The following RP1 variants were observed in gnomAD, a reference collection of about 807,000 sequenced individuals.
RP1 encodes the protein oxygen-regulated protein 1.
RP1 carries 16 observed loss-of-function variants against 14.8 expected under a neutral mutation model. That is an observed-to-expected ratio of 1.08 (90% confidence interval 0.73 to 1.65). The LOEUF (loss-of-function observed/expected upper bound fraction) is 1.65. Ranked by LOEUF, RP1 falls within the 40% of genes most tolerant of loss-of-function variation. RP1 has a pLI of 0.00. For missense variants in RP1, 2,631 were observed against 2,535.0 expected, an observed-to-expected ratio of 1.04 and a Z score of -0.81; for synonymous variants, 876 against 883.6, an observed-to-expected ratio of 0.99 and a Z score of 0.15.
intron 25 of RP1, among the ~76,000 whole-genome samples, chr8:54,844,974 G>A (rs1160604534): frequency 6.6e-6 from 1 of 152,056 alleles, no homozygotes; most frequent in Non-Finnish European, 1.5e-5. Context: ...ACCATACTAG[G>A]TCCCCACCTC....
chr8:54,666,503 G>A (rs1218718125), intron 7 of RP1, among the ~76,000 whole-genome samples: 1 of 152,018 alleles, frequency 6.6e-6, no homozygotes. Context: ...TGAAAGTTGG[G>A]ATGCTCAGTG....
chr8:54,611,896 C>CTCCCTTCCTTT (rs1805605540), upstream of RP1, among the ~76,000 whole-genome samples: 2 of 126,678 alleles, frequency 1.6e-5, no homozygotes, highest in Admixed American at 8.9e-5. Context: ...TCCCTTCCTT[C>CTCCCTTCCTTT]CTTCCTTCCT....
At chr8:54,688,084 A>G (rs891990296) in intron 12 of RP1, among the ~76,000 whole-genome samples, 1 of 151,960 alleles carries the variant, frequency 6.6e-6, no homozygotes, top group East Asian at 1.9e-4. Flanking sequence ...TTTTTTTCAC[A>G]TGTTTGTTGG....
intron 7 of RP1, among the ~76,000 whole-genome samples, chr8:54,668,122 T>A (rs192696142): frequency 1.3e-3 from 198 of 152,186 alleles, no homozygotes; most frequent in African/African-American, 4.6e-3. Context: ...CAGCAGCACA[T>A]CAAAAAGCTT....
chr8:54,830,434 C>T (rs1287318227), intron 24 of RP1, among the ~76,000 whole-genome samples: 1 of 152,012 alleles, frequency 6.6e-6, no homozygotes, highest in African/African-American at 2.4e-5. Context: ...CTACTCCCTC[C>T]CCCCACTGAC....
intron 22 of RP1, among the ~76,000 whole-genome samples, chr8:54,760,113 G>C (rs987242447): frequency 6.6e-6 from 1 of 152,190 alleles, no homozygotes; most frequent in Admixed American, 6.5e-5. Context: ...AAACACCCAA[G>C]ATGATTGGAG....
At chr8:54,800,554 T>G (rs1810681519) in intron 24 of RP1, among the ~76,000 whole-genome samples, 1 of 152,190 alleles carries the variant, frequency 6.6e-6, no homozygotes, top group Non-Finnish European at 1.5e-5. Context: ...CTATTATTTT[T>G]CTATTAACAA....
intron 24 of RP1, among the ~76,000 whole-genome samples, chr8:54,829,544 CT>C (rs2065789043): frequency 2.0e-5 from 3 of 152,044 alleles, no homozygotes; most frequent in Non-Finnish European, 4.4e-5. Context: ...GAACATCTGA[CT>C]TTTGATATAT....
At chr8:54,761,233 C>CTTTTTTTTTTTTTTTTTTTTTTTTTTTTT (rs71554177) in intron 22 of RP1, among the ~76,000 whole-genome samples, 1 of 109,172 alleles carries the variant, frequency 9.2e-6, no homozygotes, top group Non-Finnish European at 1.8e-5. Flanking sequence ...CGCTACCTTA[C>CTTTTTTTTTTTTTTTTTTTTTTTTTTTTT]TTTTTTTTTT....
chr8:54,837,299 G>A (rs1247483950), intron 24 of RP1, among the ~76,000 whole-genome samples: 1 of 152,182 alleles, frequency 6.6e-6, no homozygotes, highest in East Asian at 1.9e-4. Flanking sequence ...ATATAGAACA[G>A]CATTTCATGG....
chr8:54,778,506 G>A (rs1328498662), intron 23 of RP1, among the ~76,000 whole-genome samples: 1 of 151,808 alleles, frequency 6.6e-6, no homozygotes, highest in Non-Finnish European at 1.5e-5. Context: ...TGTATTTTTA[G>A]TAGAGACGGA....
intron 1 of RP1, among the ~76,000 whole-genome samples, chr8:54,591,547 G>A (rs535737466): frequency 3.6e-4 from 55 of 152,134 alleles, no homozygotes; most frequent in Admixed American, 1.7e-3. Flanking sequence ...TAACCTACAT[G>A]ATCTTTTTCA....
intron 19 of RP1, among the ~76,000 whole-genome samples, chr8:54,751,087 C>T (rs533281511): frequency 2.7e-4 from 41 of 152,286 alleles, no homozygotes; most frequent in African/African-American, 7.7e-4. Flanking sequence ...TGAAGGTCTG[C>T]GGCTCCATTC....
At chr8:54,673,576 CA>C (rs879473473) in intron 7 of RP1, among the ~76,000 whole-genome samples, 1 of 152,024 alleles carries the variant, frequency 6.6e-6, no homozygotes, top group Non-Finnish European at 1.5e-5. Flanking sequence ...CTCCTCTCTA[CA>C]AAAAACACAA....
intron 19 of RP1, among the ~76,000 whole-genome samples, chr8:54,741,387 T>C (rs1809081199): frequency 6.6e-6 from 1 of 152,006 alleles, no homozygotes; most frequent in Non-Finnish European, 1.5e-5. Flanking sequence ...CATGCTCTAT[T>C]TTTAGTTTAC....
rs545902108 is a variant in RP1 at position 54,796,309 on chromosome 8, C to A, written c.3615+12599C>A. On this transcript the variant is annotated intron_variant, in intron 24 of 28. Coordinates refer to the RP1 transcript ENST00000637698. Reference sequence around the variant, plus strand: ...AGCATATAAAAGGGCATGTAGTCAACACTCAAAATTCTTAAAAGTATTTGT... The same window carrying A: ...AGCATATAAAAGGGCATGTAGTCAAAACTCAAAATTCTTAAAAGTATTTGT... 2.6e-5 allele frequency among the ~76,000 whole-genome samples: 4 copies of A among 152,266 alleles called. No homozygotes were observed. The South Asian group carries it at 8.3e-4, about 32-fold the overall frequency.
chr8:54,654,259 A>G (rs1189038721), intron 5 of RP1, among the ~76,000 whole-genome samples: 1 of 152,208 alleles, frequency 6.6e-6, no homozygotes, highest in Non-Finnish European at 1.5e-5. Context: ...AATTTTAATT[A>G]ATCAACTTGT....
intron 3 of RP1, among the ~76,000 whole-genome samples, chr8:54,639,294 A>G (rs1806413338): frequency 6.6e-6 from 1 of 152,208 alleles, no homozygotes; most frequent in Non-Finnish European, 1.5e-5. Flanking sequence ...CATTGTATGT[A>G]CATACCACAC....
intron 1 of RP1, among the ~76,000 whole-genome samples, chr8:54,603,713 T>C (rs972241571): frequency 1.1e-4 from 17 of 152,216 alleles, no homozygotes; most frequent in African/African-American, 4.1e-4. Flanking sequence ...TTTTATTTCA[T>C]TGAGCAGTGG....
Sources: gnomAD v4.1 joint callset for allele counts (sites outside exome capture counted in the v4.1 genomes callset) on GRCh38, gnomAD v4.1.1 for gene constraint, MANE v1.5 for transcripts, NCBI Gene and HGNC (gene_info 2026-07-23, HGNC 2026-07-21) for gene names.